The following ZNF714 variants were observed in gnomAD, a reference collection of about 807,000 sequenced individuals.
ZNF714 encodes the protein zinc finger protein 714.
In ZNF714, 32 loss-of-function variants were observed where a neutral mutation model predicts 46.2. That is an observed-to-expected ratio of 0.69 (90% confidence interval 0.52 to 0.93). The LOEUF (loss-of-function observed/expected upper bound fraction) is 0.93. ZNF714 is among the 40% of genes least tolerant of loss of function. The pLI, the probability that ZNF714 is intolerant of heterozygous loss-of-function variation, is 0.00. For missense variants in ZNF714, 635 were observed against 646.3 expected (o/e 0.98, Z 0.19); for synonymous variants, 199 against 213.1 (o/e 0.93, Z 0.58).
At position 21,098,333 on chromosome 19, in the gene ZNF714, A is replaced by T. The variant is rs140252295; in HGVS notation, c.43+22A>T. On this transcript the variant is annotated intron_variant, in intron 3 of 4. Transcript: ENST00000456283. ...TTGGGTGAGAATAACTTTAATACAT[A>T]AGTCTTAATATACCCTAAACGTTTT... 512 of 1,604,394 alleles carry T rather than the reference A, an allele frequency of 3.2e-4. No homozygotes were observed. In the African/African-American group the frequency reaches 6.1e-3, roughly 19 times the overall value.
intron 4 of ZNF714, among the ~76,000 whole-genome samples, chr19:21,104,243 T>TTTC (rs140224427): frequency 6.6e-6 from 1 of 151,664 alleles, no homozygotes; most frequent in Non-Finnish European, 1.5e-5. Flanking sequence ...ATTTCTGTGA[T>TTTC]ATTGGATGTA....
At chr19:21,103,087 C>T (rs1018366639) in intron 4 of ZNF714, among the ~76,000 whole-genome samples, 2 of 151,656 alleles carry the variant, frequency 1.3e-5, no homozygotes, top group Non-Finnish European at 2.9e-5. Context: ...CTTGTCTAAG[C>T]GAGTAGTCAT....
chr19:21,123,508 C>T lies in ZNF714; in HGVS notation c.*5176C>T, dbSNP rs1282045902. ...TAGCTGGGACTACAGGCGCCCGCTA[C>T]CGCACCCGTCTAATTTTTTTGTATT... On this transcript the variant is annotated 3_prime_UTR_variant, in exon 5 of 5. Transcript: ENST00000456283. Among the ~76,000 whole-genome samples the T allele has an allele frequency of 6.6e-6, 1 of 152,080 alleles. No individual in the cohort carries two copies. The highest frequency in any genetic ancestry group is 2.4e-5 in the African/African-American group (1 of 41,424).
In ZNF714 at chr19:21,118,495, A is replaced by G. The variant is rs567828997; in HGVS notation, c.*163A>G. The G allele has an allele frequency of 1.2e-3, 442 of 362,696 alleles. 5 individuals carry two copies. In the Middle Eastern group the frequency reaches 0.02, roughly 16 times the overall value. The allele number at this position is 362,696 out of a possible 1,614,324, so 22.5% of individuals were successfully genotyped here. On this transcript the variant is annotated 3_prime_UTR_variant, in exon 5 of 5. Coordinates refer to ENST00000456283, the MANE Select transcript of ZNF714 (RefSeq NM_182515.4). Reference sequence around the variant, plus strand: ...AAAAGAAAATTCATACTGGAACGAAACCCTACAATTGTGAAGAATGTGCCA... The same window carrying G: ...AAAAGAAAATTCATACTGGAACGAAGCCCTACAATTGTGAAGAATGTGCCA...
chr19:21,118,544 C>A lies in ZNF714; in HGVS notation c.*212C>A. 1 of 266,310 alleles carries A rather than the reference C, an allele frequency of 3.8e-6. No individual in the cohort carries two copies. The highest frequency in any genetic ancestry group is 7.4e-6 in the Non-Finnish European group (1 of 134,252). The allele number at this position is 266,310 out of a possible 1,614,324, so 16.5% of individuals were successfully genotyped here. The stretch of plus-strand genomic sequence containing the variant: ...CAGTGCTTTCAACCAGTCCTCGAAC[C>A]TTTTTAAGAAAATAATTTATACTGG... On this transcript the variant is annotated 3_prime_UTR_variant, in exon 5 of 5. Coordinates refer to ENST00000456283, the MANE Select transcript of ZNF714 (RefSeq NM_182515.4).
At position 21,124,226 on chromosome 19, in the gene ZNF714, C is replaced by T. The variant is rs1969756181; in HGVS notation, c.*5894C>T. On this transcript the variant is annotated 3_prime_UTR_variant, in exon 5 of 5. Coordinates refer to ENST00000456283, the MANE Select transcript of ZNF714 (RefSeq NM_182515.4). ...AGCCCCAAAATACATATTTTTGATACTATTTAGCCAAGATTACCACAAAGA... is the reference window on the plus strand; with the variant it reads ...AGCCCCAAAATACATATTTTTGATATTATTTAGCCAAGATTACCACAAAGA... 1 of 152,102 alleles carries T rather than the reference C, an allele frequency of 6.6e-6. No homozygotes were observed. Among genetic ancestry groups the T allele is most frequent in the Non-Finnish European group, 1.5e-5 (1 of 68,014 alleles). 9.4% of individuals were successfully genotyped at this position (152,102 alleles called of 1,614,324 possible). A position where few individuals can be genotyped will look rare whatever the true frequency, so the allele number is the denominator to read the frequency against.
intron 4 of ZNF714, among the ~76,000 whole-genome samples, chr19:21,100,660 G>A (rs573182938): frequency 1.1e-3 from 165 of 151,854 alleles, no homozygotes; most frequent in African/African-American, 3.8e-3. Context: ...GAAGCATAAC[G>A]TATGTTAATT....
At chr19:21,107,245 CT>C (rs550751684) in intron 4 of ZNF714, among the ~76,000 whole-genome samples, 15 of 142,634 alleles carry the variant, frequency 1.1e-4, no homozygotes, top group Admixed American at 2.1e-4. Context: ...AGTTTTCTTT[CT>C]TTTTTTTTTT....
chr19:21,089,365 A>C (rs1283150363), intron 2 of ZNF714, among the ~76,000 whole-genome samples: 2 of 152,128 alleles, frequency 1.3e-5, no homozygotes, highest in Non-Finnish European at 2.9e-5. Flanking sequence ...TTATTACCAG[A>C]CTTTAGTCAG....
chr19:21,124,181 G>T lies in ZNF714; in HGVS notation c.*5849G>T, dbSNP rs1011779021. The T allele has an allele frequency of 2.0e-5, 3 of 152,160 alleles. No individual in the cohort carries two copies. Among genetic ancestry groups the T allele is most frequent in the Non-Finnish European group, 2.9e-5 (2 of 68,038 alleles). The allele number at this position is 152,160 out of a possible 1,614,324, so 9.4% of individuals were successfully genotyped here. A position where few individuals can be genotyped will look rare whatever the true frequency, so the allele number is the denominator to read the frequency against. On this transcript the variant is annotated 3_prime_UTR_variant, in exon 5 of 5. Transcript: ENST00000456283. ...TAAATATCAGAGTTCCTATGGTTAT[G>T]ACTGACAAATGACAATAATAGCCCC...
At chr19:21,098,332 TAA>T in intron 3 of ZNF714, 21 bp downstream of exon 3, 1 of 1,604,404 alleles carries the variant, frequency 6.2e-7, no homozygotes, top group Non-Finnish European at 8.5e-7. Flanking sequence ...CTTTAATACA[TAA>T]GTCTTAATAT....
chr19:21,092,651 T>C (rs1272404770), intron 2 of ZNF714, among the ~76,000 whole-genome samples: 1 of 152,174 alleles, frequency 6.6e-6, no homozygotes, highest in African/African-American at 2.4e-5. Flanking sequence ...AATTGTGTCA[T>C]GGGGTTTTGG....
At position 21,098,840 on chromosome 19, in the gene ZNF714, G is replaced by A. The variant is rs368674204; in HGVS notation, c.72G>A (p.Pro24=). 29 of 1,609,296 alleles carry A rather than the reference G, an allele frequency of 1.8e-5. No homozygotes were observed. The highest frequency in any genetic ancestry group is 1.7e-4 in the Middle Eastern group (1 of 6,050). Residue 24 remains proline (P), a synonymous_variant, in exon 4 of 5, where the codon CCG becomes CCA. Coordinates refer to ENST00000456283, the MANE Select transcript of ZNF714 (RefSeq NM_182515.4). ...GTATTGCTGTCTCTAAGCAAGACCC[G>A]ATCACCAGTCTAGAGCAAGAAAAAG... ...LAGIAVSKQD[P]ITSLEQEKEP...
rs759474977 is a variant in ZNF714 at position 21,117,609 on chromosome 19, T to A, written c.945T>A (p.Cys315Ter). Residue 315 changes from cysteine to a stop codon, truncating the protein, a stop_gained, in exon 5 of 5, where the codon TGT becomes TGA. Transcript: ENST00000456283. LOFTEE classifies it high-confidence loss of function. ...ATTCTGGAGAGAAATCTTACAAATG[T>A]GAACAATGTGGCAAAGGCTTTAACT... ...IIHSGEKSYK[C>*]EQCGKGFNWS... The A allele has an allele frequency of 6.8e-6, 11 of 1,611,394 alleles. No individual in the cohort carries two copies. Among genetic ancestry groups the A allele is most frequent in the Non-Finnish European group, 8.5e-6 (10 of 1,178,568 alleles).
intron 2 of ZNF714, among the ~76,000 whole-genome samples, chr19:21,096,958 C>CT (rs1418331978): frequency 6.6e-6 from 1 of 152,154 alleles, no homozygotes; most frequent in Admixed American, 6.6e-5. Flanking sequence ...GCTCCGCCTC[C>CT]TGGGTTCATG....
intron 2 of ZNF714, among the ~76,000 whole-genome samples, chr19:21,084,902 G>A (rs933297958): frequency 3.9e-5 from 6 of 151,996 alleles, no homozygotes; most frequent in African/African-American, 1.2e-4. Flanking sequence ...TAACAGGTGT[G>A]AGCCACCACG....
intron 4 of ZNF714, among the ~76,000 whole-genome samples, chr19:21,110,904 A>T (rs1037423181): frequency 6.6e-6 from 1 of 151,938 alleles, no homozygotes; most frequent in African/African-American, 2.4e-5. Context: ...GTAGATATGC[A>T]GTCTTAGATT....
At chr19:21,092,519 C>G (rs1383879165) in intron 2 of ZNF714, among the ~76,000 whole-genome samples, 1 of 152,212 alleles carries the variant, frequency 6.6e-6, no homozygotes, top group Non-Finnish European at 1.5e-5. Context: ...ACCTGGGCCA[C>G]TATCTGTAAA....
intron 4 of ZNF714, among the ~76,000 whole-genome samples, chr19:21,103,842 CATA>C (rs1969247096): frequency 6.6e-6 from 1 of 152,078 alleles, no homozygotes; most frequent in Non-Finnish European, 1.5e-5. Context: ...TGAAGTGAGG[CATA>C]ATTTTGCCAC....
Sources: allele counts gnomAD v4.1 joint callset (sites outside exome capture counted in the v4.1 genomes callset), GRCh38; gene constraint gnomAD v4.1.1; transcripts MANE v1.5; gene names NCBI Gene and HGNC (gene_info 2026-07-23, HGNC 2026-07-21).